Variants in C12orf42 observed in about 807,000 individuals in gnomAD.
C12orf42 encodes the protein chromosome 12 open reading frame 42.
A neutral mutation model predicts 21.6 loss-of-function variants in C12orf42; 25 were observed. The ratio of observed to expected loss-of-function variants is 1.16; its 90% confidence interval spans 0.84 to 1.62. The LOEUF is 1.62. Among genes scored for constraint, C12orf42 ranks in the 40% most tolerant of loss-of-function variants. The pLI is 0.00. For synonymous variants in C12orf42, 174 were observed against 175.0 expected (o/e 0.99, Z 0.05); for missense variants, 483 against 459.3 (o/e 1.05, Z -0.47).
chr12:103,287,327 G>T (rs2036528215), intron 4 of C12orf42, among the ~76,000 whole-genome samples: 1 of 152,106 alleles, frequency 6.6e-6, no homozygotes, highest in Non-Finnish European at 1.5e-5. Context: ...ATGATAGACT[G>T]GATTAAGAAA....
chr12:103,473,951 AT>A, intron 2 of C12orf42, among the ~76,000 whole-genome samples: 1 of 152,100 alleles, frequency 6.6e-6, no homozygotes, highest in East Asian at 1.9e-4. Flanking sequence ...AGATGTTTTG[AT>A]TTTTCTTAAT....
the C12orf42 span, among the ~76,000 whole-genome samples, chr12:103,193,063 A>G: frequency 6.6e-6 from 1 of 152,228 alleles, no homozygotes; most frequent in African/African-American, 2.4e-5. Flanking sequence ...CCAAAATGGA[A>G]TAAAACTAAA....
At chr12:103,266,982 T>A (rs2035201754), downstream of C12orf42, among the ~76,000 whole-genome samples, 1 of 152,186 alleles carries the variant, frequency 6.6e-6, no homozygotes. Context: ...ATTAGGAAGA[T>A]ATGTGCTAAT....
At chr12:103,482,262 A>T (rs1447576552) in intron 1 of C12orf42, among the ~76,000 whole-genome samples, 1 of 152,088 alleles carries the variant, frequency 6.6e-6, no homozygotes, top group South Asian at 2.1e-4. Context: ...GTAAACTCTC[A>T]GGTCTGTTTG....
chr12:103,146,545 G>GAAA, the C12orf42 span, among the ~76,000 whole-genome samples: 1 of 65,724 alleles, frequency 1.5e-5, no homozygotes, highest in Admixed American at 2.0e-4. Flanking sequence ...AAGAAAGAAA[G>GAAA]AGAAATAAAG....
chr12:103,315,811 G>A (rs2039418730), intron 4 of C12orf42, among the ~76,000 whole-genome samples: 1 of 152,064 alleles, frequency 6.6e-6, no homozygotes, highest in Admixed American at 6.6e-5. Context: ...GGTGACTACA[G>A]TTAATAACAT....
At chr12:103,138,723 C>T in the C12orf42 span, among the ~76,000 whole-genome samples, 1 of 152,086 alleles carries the variant, frequency 6.6e-6, no homozygotes, top group Non-Finnish European at 1.5e-5. Context: ...CCTGGCACAC[C>T]CCTGGAGCCA....
At chr12:103,552,560 G>A in the C12orf42 span, among the ~76,000 whole-genome samples, 47 of 152,212 alleles carry the variant, frequency 3.1e-4, no homozygotes, top group African/African-American at 1.0e-3. Context: ...ATCTCTATGG[G>A]GATCAAATGA....
At chr12:103,131,098 T>G in the C12orf42 span, among the ~76,000 whole-genome samples, 1 of 152,192 alleles carries the variant, frequency 6.6e-6, no homozygotes, top group Non-Finnish European at 1.5e-5. Context: ...GTACCCAAAG[T>G]AGATGGTGGC....
the C12orf42 span, among the ~76,000 whole-genome samples, chr12:103,227,805 T>A: frequency 3.3e-5 from 5 of 152,112 alleles, no homozygotes; most frequent in African/African-American, 1.2e-4. Context: ...CGCCGGAGTT[T>A]TGGGTCCACG....
intron 2 of C12orf42, among the ~76,000 whole-genome samples, chr12:103,438,627 A>C (rs1340650786): frequency 1.3e-5 from 2 of 152,004 alleles, no homozygotes; most frequent in Non-Finnish European, 2.9e-5. Context: ...ACAAACAGAG[A>C]GCCAAATCAT....
the C12orf42 span, among the ~76,000 whole-genome samples, chr12:103,530,518 G>C: frequency 6.6e-6 from 1 of 152,190 alleles, no homozygotes; most frequent in African/African-American, 2.4e-5. Flanking sequence ...TTCTCATTAT[G>C]AGGCATGAGG....
the C12orf42 span, among the ~76,000 whole-genome samples, chr12:103,075,518 G>A: frequency 0.011 from 1,640 of 152,288 alleles, 12 homozygotes; most frequent in South Asian, 0.019. Flanking sequence ...ATCACTAAGA[G>A]CCTAAGCACA....
chr12:103,151,399 T>C, the C12orf42 span, among the ~76,000 whole-genome samples: 1 of 152,160 alleles, frequency 6.6e-6, no homozygotes. Context: ...CTAAATAGCT[T>C]CAATTATAAA....
At chr12:103,254,044 AT>A (rs2034437519) in intron 10 of C12orf42, among the ~76,000 whole-genome samples, 1 of 152,052 alleles carries the variant, frequency 6.6e-6, no homozygotes, top group Non-Finnish European at 1.5e-5. Flanking sequence ...GTCATGAATT[AT>A]TTGCCCATGC....
At chr12:103,493,249 C>T (rs952787474) in intron 1 of C12orf42, among the ~76,000 whole-genome samples, 4 of 152,192 alleles carry the variant, frequency 2.6e-5, no homozygotes, top group South Asian at 2.1e-4. Flanking sequence ...CAGCTTTCGA[C>T]GATCTGATTC....
chr12:103,096,410 A>G, the C12orf42 span, among the ~76,000 whole-genome samples: 2 of 152,348 alleles, frequency 1.3e-5, no homozygotes, highest in East Asian at 3.9e-4. Flanking sequence ...AGTACTTAAT[A>G]AACAGAACTT....
At chr12:103,254,243 C>T (rs537175005) in intron 10 of C12orf42, among the ~76,000 whole-genome samples, 27 of 152,230 alleles carry the variant, frequency 1.8e-4, no homozygotes, top group Middle Eastern at 3.4e-3. Flanking sequence ...GATCCTTTCC[C>T]GGTTGCTTGT....
At chr12:103,433,256 G>GA (rs1950400928) in intron 2 of C12orf42, among the ~76,000 whole-genome samples, 1 of 152,030 alleles carries the variant, frequency 6.6e-6, no homozygotes, top group Admixed American at 6.6e-5. Flanking sequence ...AATAGTTGAT[G>GA]AAAAAACGTT....
Sources: allele counts gnomAD v4.1 joint callset (sites outside exome capture counted in the v4.1 genomes callset), GRCh38; gene constraint gnomAD v4.1.1; transcripts MANE v1.5; gene names NCBI Gene and HGNC (gene_info 2026-07-23, HGNC 2026-07-21).